Variants in KCNIP1 observed in about 807,000 individuals in gnomAD.
KCNIP1 encodes A-type potassium channel modulatory protein KCNIP1.
In KCNIP1, 18 loss-of-function variants were observed where a neutral mutation model predicts 33.0. That is an observed-to-expected ratio of 0.55 (90% CI 0.38 to 0.81). The LOEUF (loss-of-function observed/expected upper bound fraction) is 0.81, where lower values mean the gene tolerates loss of function less well. KCNIP1 is among the 30% of genes least tolerant of loss of function. KCNIP1 has a pLI of 0.00. For missense variants in KCNIP1, 238 were observed against 271.6 expected, an observed-to-expected ratio of 0.88 and a Z score of 0.87; for synonymous variants, 93 against 98.3, an observed-to-expected ratio of 0.95 and a Z score of 0.32.
chr5:170,582,048 C>T (rs1757813149), intron 1 of KCNIP1, among the ~76,000 whole-genome samples: 1 of 152,180 alleles, frequency 6.6e-6, no homozygotes, highest in African/African-American at 2.4e-5. Flanking sequence ...GACAATGGCA[C>T]CAAACCATTT....
rs370909664 is a variant in KCNIP1, at chr5:170,504,661, C to T, written c.61+28C>T. ...AAGCCACCTTCTTCCTTTTGTTCCC[C>T]TGTCTGGGCTTGGGGGTGCTAGGCG... On this transcript the variant is annotated intron_variant, in intron 1 of 7. Transcript: ENST00000328939. The surrounding 1 kb of genome is among the most constrained non-coding windows in gnomAD (Gnocchi z 6.0). 1.0e-4 allele frequency: 161 copies of T among 1,598,190 alleles called. No individual in the cohort carries two copies. The highest frequency in any genetic ancestry group is 1.3e-4 in the Non-Finnish European group (149 of 1,165,962).
chr5:170,376,045 A>C (rs1293788150), intron 1 of KCNIP1: 4 of 152,040 alleles, frequency 2.6e-5, no homozygotes, highest in African/African-American at 9.7e-5. Flanking sequence ...TTTCCAAGGC[A>C]AACTAATTAG....
At chr5:170,683,826 C>T (rs570125202) in intron 1 of KCNIP1, among the ~76,000 whole-genome samples, 25 of 151,628 alleles carry the variant, frequency 1.6e-4, no homozygotes, top group South Asian at 1.2e-3. Context: ...CGGACTCAAG[C>T]GATTCTCCTC....
chr5:170,463,809 G>A (rs59621871), intron 1 of KCNIP1, among the ~76,000 whole-genome samples: 2 of 151,970 alleles, frequency 1.3e-5, no homozygotes, highest in South Asian at 2.1e-4. Context: ...TGTACTGGAA[G>A]TTCTAGCCAG....
At chr5:170,391,215 C>T (rs752930372) in intron 1 of KCNIP1, among the ~76,000 whole-genome samples, 2 of 152,158 alleles carry the variant, frequency 1.3e-5, no homozygotes, top group African/African-American at 2.4e-5. Context: ...GCCAGGCCCC[C>T]CTCCTGCTTC....
At chr5:170,668,230 C>G (rs1357430156) in intron 1 of KCNIP1, among the ~76,000 whole-genome samples, 1 of 152,214 alleles carries the variant, frequency 6.6e-6, no homozygotes, top group Non-Finnish European at 1.5e-5. Flanking sequence ...CAGCCAGGCT[C>G]CTGGCCAGGG....
intron 1 of KCNIP1, among the ~76,000 whole-genome samples, chr5:170,510,993 G>A (rs917351873): frequency 2.0e-5 from 3 of 152,146 alleles, no homozygotes; most frequent in African/African-American, 4.8e-5. Context: ...GACAGATCAC[G>A]AGGTCAGGAG....
chr5:170,448,732 G>C (rs774580757), intron 1 of KCNIP1, among the ~76,000 whole-genome samples: 2 of 152,134 alleles, frequency 1.3e-5, no homozygotes, highest in Non-Finnish European at 2.9e-5. Flanking sequence ...TTTCCCTCTG[G>C]TTGTAGTGAA....
intron 1 of KCNIP1, among the ~76,000 whole-genome samples, chr5:170,362,804 G>A (rs1286996674): frequency 6.6e-6 from 1 of 152,180 alleles, no homozygotes; most frequent in Non-Finnish European, 1.5e-5. Context: ...GGGCCAGTTT[G>A]GATGACATTT....
At chr5:170,692,038 C>T (rs367621635) in intron 1 of KCNIP1, among the ~76,000 whole-genome samples, 62 of 152,282 alleles carry the variant, frequency 4.1e-4, no homozygotes, top group African/African-American at 1.5e-3. Context: ...TTCACAGATG[C>T]TAATAGAGAC....
intron 1 of KCNIP1, among the ~76,000 whole-genome samples, chr5:170,597,094 C>T (rs950372558): frequency 2.6e-5 from 4 of 152,314 alleles, no homozygotes; most frequent in East Asian, 1.9e-4. Flanking sequence ...CCAGCTGATC[C>T]GGCTCCAGCA....
chr5:170,703,054 G>A (rs1236772572), intron 1 of KCNIP1, among the ~76,000 whole-genome samples: 1 of 133,098 alleles, frequency 7.5e-6, no homozygotes, highest in African/African-American at 2.8e-5. Context: ...GAACCTATAG[G>A]TCTGTTCCAT....
intron 1 of KCNIP1, among the ~76,000 whole-genome samples, chr5:170,466,777 A>G (rs548527519): frequency 5.3e-5 from 8 of 152,310 alleles, no homozygotes; most frequent in African/African-American, 1.9e-4. Flanking sequence ...CCATTCATGA[A>G]GACTCCACCC....
chr5:170,504,547 C>G lies in KCNIP1; in HGVS notation c.-26C>G. The G allele has an allele frequency of 6.2e-7, 1 of 1,612,552 alleles. No individual in the cohort carries two copies. Among genetic ancestry groups the G allele is most frequent in the Non-Finnish European group, 8.5e-7 (1 of 1,179,966 alleles). ...AGGGGAGGGGCCGGGCCCGGGGTCC[C>G]AACTCGCACTCAAGTCTTCGCTGCC... On this transcript the variant is annotated 5_prime_UTR_variant, in exon 1 of 8. Transcript: ENST00000328939. This position sits in a 1 kb window ranked among gnomAD's most constrained non-coding sequence, Gnocchi z 6.0.
intron 1 of KCNIP1, among the ~76,000 whole-genome samples, chr5:170,708,733 A>C (rs1400399823): frequency 6.6e-6 from 1 of 152,110 alleles, no homozygotes; most frequent in Non-Finnish European, 1.5e-5. Flanking sequence ...TCATCTCCAC[A>C]AAAAAGTACA....
chr5:170,728,309 A>G (rs1387401221), intron 5 of KCNIP1, among the ~76,000 whole-genome samples: 1 of 152,234 alleles, frequency 6.6e-6, no homozygotes, highest in Non-Finnish European at 1.5e-5. Flanking sequence ...ACTGTCAGAC[A>G]TCACCACTGT....
intron 1 of KCNIP1, among the ~76,000 whole-genome samples, chr5:170,596,836 T>C (rs572805875): frequency 6.6e-6 from 1 of 152,270 alleles, no homozygotes; most frequent in South Asian, 2.1e-4. Context: ...TCCCCAACCA[T>C]GGGACTGGAA....
chr5:170,673,578 C>T, intron 1 of KCNIP1, among the ~76,000 whole-genome samples: 1 of 152,166 alleles, frequency 6.6e-6, no homozygotes, highest in Non-Finnish European at 1.5e-5. Flanking sequence ...GTTTCAAAGC[C>T]TATGCTGTTA....
intron 1 of KCNIP1, among the ~76,000 whole-genome samples, chr5:170,589,637 G>A (rs1339578262): frequency 1.3e-5 from 2 of 152,170 alleles, no homozygotes; most frequent in Non-Finnish European, 2.9e-5. Context: ...AAGCCCCCTT[G>A]GAGGAGGCAC....
Sources: allele counts gnomAD v4.1 joint callset (sites outside exome capture counted in the v4.1 genomes callset), GRCh38; gene constraint gnomAD v4.1.1; non-coding constraint Gnocchi (gnomAD v3.1); transcripts MANE v1.5; gene names NCBI Gene and HGNC (gene_info 2026-07-23, HGNC 2026-07-21).